The following CHN1 variants were observed in gnomAD, a reference collection of about 807,000 sequenced individuals.
The protein encoded by CHN1 is N-chimaerin.
A neutral mutation model predicts 59.5 loss-of-function variants in CHN1; 37 were observed. The observed-to-expected ratio is 0.62, with a 90% CI of 0.48 to 0.82. The LOEUF is 0.82. CHN1 is among the 40% of genes least tolerant of loss of function. CHN1 has a pLI of 0.00. For missense variants in CHN1, 469 were observed against 571.0 expected, an observed-to-expected ratio of 0.82 and a Z score of 1.82; for synonymous variants, 206 against 200.4, an observed-to-expected ratio of 1.03 and a Z score of -0.24.
chr2:174,923,834 A>G (rs555778937), intron 3 of CHN1, among the ~76,000 whole-genome samples: 4 of 152,360 alleles, frequency 2.6e-5, no homozygotes, highest in South Asian at 2.1e-4. Flanking sequence ...TTACTAAATA[A>G]TTATTTGCTT....
intron 1 of CHN1, among the ~76,000 whole-genome samples, chr2:174,979,859 G>A (rs975715384): frequency 2.0e-5 from 3 of 151,866 alleles, no homozygotes; most frequent in Admixed American, 1.3e-4. Flanking sequence ...CCAGCCTGGC[G>A]AAAGAACAAA....
intron 6 of CHN1, among the ~76,000 whole-genome samples, chr2:174,862,030 T>C (rs1687083415): frequency 1.3e-5 from 2 of 152,184 alleles, no homozygotes; most frequent in African/African-American, 4.8e-5. Context: ...TCACTTTTCC[T>C]CCTATGAACT....
chr2:174,891,325 AC>A (rs1688043831), intron 5 of CHN1, among the ~76,000 whole-genome samples: 1 of 151,808 alleles, frequency 6.6e-6, no homozygotes, highest in Non-Finnish European at 1.5e-5. Flanking sequence ...TAATCCCAGC[AC>A]TTTGGGAGGC....
rs189918995 is a variant in CHN1, at chr2:174,846,786, C to T, written c.627+94G>A. 16 of 1,220,212 alleles carry T rather than the reference C, an allele frequency of 1.3e-5. No individual in the cohort carries two copies. The African/African-American group carries it at 2.4e-4, about 19-fold the overall frequency. The allele number at this position is 1,220,212 out of a possible 1,614,324, so 75.6% of individuals were successfully genotyped here. On this transcript the variant is annotated intron_variant, in intron 7 of 12. Transcript: ENST00000409900. ...AATAGCAAGAACATTTTAGTCAAGTCATCCTAGTTTTAAAAAGACATAAGA... is the reference window on the plus strand; with the variant it reads ...AATAGCAAGAACATTTTAGTCAAGTTATCCTAGTTTTAAAAAGACATAAGA...
chr2:174,919,108 G>A (rs1385553236), intron 3 of CHN1, among the ~76,000 whole-genome samples: 1 of 152,176 alleles, frequency 6.6e-6, no homozygotes, highest in Middle Eastern at 3.2e-3. Flanking sequence ...AAGATAGACA[G>A]CATTCAAAAT....
At chr2:174,805,135 T>G (rs894772048) in intron 11 of CHN1, among the ~76,000 whole-genome samples, 1 of 152,218 alleles carries the variant, frequency 6.6e-6, no homozygotes, top group African/African-American at 2.4e-5. Context: ...ATAAGGGTGA[T>G]GTCAAGAACA....
At chr2:174,904,492 G>A (rs2105359815) in intron 5 of CHN1, among the ~76,000 whole-genome samples, 2 of 151,848 alleles carry the variant, frequency 1.3e-5, no homozygotes, top group Middle Eastern at 6.8e-3. Flanking sequence ...AGGTTCAAGT[G>A]ATTCTCCTGC....
chr2:174,862,336 CTTTT>C (rs1271683275), intron 6 of CHN1, among the ~76,000 whole-genome samples: 1 of 141,254 alleles, frequency 7.1e-6, no homozygotes, highest in Non-Finnish European at 1.6e-5. Context: ...ACCAACGATA[CTTTT>C]TTTTTTTTTT....
At chr2:174,900,471 A>G (rs893354281) in intron 5 of CHN1, among the ~76,000 whole-genome samples, 5 of 152,104 alleles carry the variant, frequency 3.3e-5, no homozygotes, top group African/African-American at 4.8e-5. Flanking sequence ...ACTCCAGGCT[A>G]GACAACAGAG....
At chr2:174,808,100 AC>A (rs1363705638) in intron 11 of CHN1, among the ~76,000 whole-genome samples, 2 of 152,206 alleles carry the variant, frequency 1.3e-5, no homozygotes, top group Admixed American at 6.5e-5. Flanking sequence ...ATTTACAAAA[AC>A]TTCTTGATAT....
At chr2:174,915,518 A>G (rs1688821376) in intron 4 of CHN1, among the ~76,000 whole-genome samples, 1 of 151,858 alleles carries the variant, frequency 6.6e-6, no homozygotes, top group South Asian at 2.1e-4. Flanking sequence ...AGAAAAGAAA[A>G]AAAAAAAAAC....
rs760305779 is a variant in CHN1 at position 174,812,376 on chromosome 2, G to A, written c.819C>T (p.Leu273=). 3.1e-6 allele frequency: 5 copies of A among 1,613,970 alleles called. No homozygotes were observed. Among genetic ancestry groups the A allele is most frequent in the South Asian group, 2.2e-5 (2 of 91,072 alleles). Residue 273 remains leucine (L), a synonymous_variant, in exon 9 of 13, where the codon CTC becomes CTT. Transcript: ENST00000409900. ...GCCGCTTAGTGGTATGTGCTTTCAC[G>A]AGCGTCGTAAGGTCACAGCTGTACA... The part of the protein sequence containing the change: ...KKVYSCDLTT[L]VKAHTTKRPM...
rs1043658742 is a variant in CHN1, at chr2:174,799,702, A to G, written c.*414T>C. 6 of 534,528 alleles carry G rather than the reference A, an allele frequency of 1.1e-5. No individual in the cohort carries two copies. The highest frequency in any genetic ancestry group is 6.7e-5 in the Admixed American group (3 of 45,048). The allele number at this position is 534,528 out of a possible 1,614,324, so 33.1% of individuals were successfully genotyped here. A position where few individuals can be genotyped will look rare whatever the true frequency, so the allele number is the denominator to read the frequency against. ...TATCCATTTGTGTGTGCGTGTTTGT[A>G]CAAGCATCAGAAACCAATGACATAG... is the stretch of plus-strand genomic sequence containing the variant. On this transcript the variant is annotated 3_prime_UTR_variant, in exon 13 of 13. Transcript: ENST00000409900.
At chr2:174,973,590 T>G (rs1690827486) in intron 1 of CHN1, among the ~76,000 whole-genome samples, 1 of 152,216 alleles carries the variant, frequency 6.6e-6, no homozygotes, top group Admixed American at 6.5e-5. Flanking sequence ...GCACTTCACT[T>G]CTGGGTGCTC....
intron 10 of CHN1, 26 bp downstream of exon 10, chr2:174,811,485 G>A: frequency 6.5e-7 from 1 of 1,545,548 alleles, no homozygotes; most frequent in Non-Finnish European, 8.9e-7. Flanking sequence ...ATTGTCCTAA[G>A]TTATGGAACA....
chr2:174,891,059 C>A (rs189447371), intron 5 of CHN1, among the ~76,000 whole-genome samples: 2 of 136,028 alleles, frequency 1.5e-5, no homozygotes, highest in Admixed American at 8.1e-5. Context: ...GAGAATGGTG[C>A]GAACCTGGGA....
At chr2:174,924,592 A>G (rs1298165960) in intron 3 of CHN1, among the ~76,000 whole-genome samples, 2 of 152,224 alleles carry the variant, frequency 1.3e-5, no homozygotes, top group Non-Finnish European at 2.9e-5. Flanking sequence ...TTCCTCTACA[A>G]TAGCATTTAG....
intron 7 of CHN1, among the ~76,000 whole-genome samples, chr2:174,836,392 C>T (rs1051695478): frequency 2.0e-5 from 3 of 152,152 alleles, no homozygotes; most frequent in Admixed American, 6.6e-5. Context: ...TCTACTGATT[C>T]GTTCATGTGA....
At chr2:174,992,480 C>T (rs1398996463) in intron 1 of CHN1, among the ~76,000 whole-genome samples, 1 of 152,194 alleles carries the variant, frequency 6.6e-6, no homozygotes, top group African/African-American at 2.4e-5. Context: ...AAAACAATGT[C>T]TCAAAAGACG....
Sources: gnomAD v4.1 joint callset for allele counts (sites outside exome capture counted in the v4.1 genomes callset) on GRCh38, gnomAD v4.1.1 for gene constraint, MANE v1.5 for transcripts, NCBI Gene and HGNC (gene_info 2026-07-23, HGNC 2026-07-21) for gene names.